Variants in CD99L2 observed in about 807,000 individuals in gnomAD.
The protein encoded by CD99L2 is CD99 antigen-like protein 2.
Under a neutral mutation model 27.3 loss-of-function variants are expected in CD99L2, and 24 were observed. That is an observed-to-expected ratio of 0.88 (90% CI 0.64 to 1.24). The LOEUF is 1.24. Ranked by LOEUF, CD99L2 falls within the 50% of genes most tolerant of loss-of-function variation. The pLI is 0.00. For missense variants in CD99L2, 255 were observed against 221.6 expected (o/e 1.15, Z -0.96); for synonymous variants, 97 against 87.9 (o/e 1.10, Z -0.58).
intron 1 of CD99L2, among the ~76,000 whole-genome samples, chrX:150,876,692 T>C (rs782684665): frequency 1.8e-5 from 2 of 112,237 alleles, no homozygotes; most frequent in Non-Finnish European, 3.8e-5. Flanking sequence ...GTTATCATCA[T>C]AGAAATACAC....
intron 1 of CD99L2, among the ~76,000 whole-genome samples, chrX:150,861,141 C>CAAAAAAAAAAAA (rs782255590): frequency 1.7e-4 from 7 of 40,919 alleles, no homozygotes; most frequent in African/African-American, 2.6e-4. Flanking sequence ...GACTCTGTCT[C>CAAAAAAAAAAAA]AAAAAAAAAA....
chrX:150,893,846 G>C (rs1242260590), intron 1 of CD99L2, among the ~76,000 whole-genome samples: 1 of 109,717 alleles, frequency 9.1e-6, no homozygotes, highest in Non-Finnish European at 1.9e-5. Context: ...CTCCCGAGTA[G>C]CTGGGACTAC....
At chrX:150,870,798 C>G (rs1270700381) in intron 1 of CD99L2, among the ~76,000 whole-genome samples, 1 of 110,425 alleles carries the variant, frequency 9.1e-6, no homozygotes, top group African/African-American at 3.3e-5. Flanking sequence ...CCCTAACTCT[C>G]TTGGGAGAGT....
intron 7 of CD99L2, among the ~76,000 whole-genome samples, chrX:150,787,505 T>C (rs1372347829): frequency 1.8e-5 from 2 of 110,935 alleles, no homozygotes; most frequent in African/African-American, 6.6e-5. Flanking sequence ...CAAATGTCCA[T>C]CAATGATAGA....
intron 10 of CD99L2, among the ~76,000 whole-genome samples, chrX:150,769,353 C>CCA (rs2043372357): frequency 2.7e-5 from 3 of 112,246 alleles, no homozygotes; most frequent in Non-Finnish European, 5.6e-5. Flanking sequence ...GTGTTCCTGC[C>CCA]AGCGCTGCTG....
At chrX:150,822,026 C>T (rs1370557172) in intron 2 of CD99L2, among the ~76,000 whole-genome samples, 3 of 111,418 alleles carry the variant, frequency 2.7e-5, no homozygotes, top group African/African-American at 9.8e-5. Flanking sequence ...AGGTATATAT[C>T]GAAAAGAATT....
intron 9 of CD99L2, among the ~76,000 whole-genome samples, chrX:150,770,719 C>T (rs868938803): frequency 1.6e-4 from 18 of 113,029 alleles, no homozygotes; most frequent in African/African-American, 2.6e-4. Context: ...TCCACAGGTC[C>T]GTGTGCGTGT....
Position 150,836,623 on chromosome X carries a change from G to A in CD99L2, c.68-5330C>T, listed in dbSNP as rs781917046. Among the ~76,000 whole-genome samples, 21 of 111,687 alleles carry A rather than the reference G, an allele frequency of 1.9e-4. No individual in the cohort carries two copies. The South Asian group carries it at 6.7e-3, about 36-fold the overall frequency. ...ATTACAGGTGTGAGCCACTGCACCCGGCCTAGCTTAATATTAACATAGTCA... is the reference window on the plus strand; with the variant it reads ...ATTACAGGTGTGAGCCACTGCACCCAGCCTAGCTTAATATTAACATAGTCA... On this transcript the variant is annotated intron_variant, in intron 1 of 10. Coordinates refer to ENST00000370377, the MANE Select transcript of CD99L2 (RefSeq NM_031462.4).
chrX:150,824,705 G>GA (rs1557420877), intron 2 of CD99L2, among the ~76,000 whole-genome samples: 20 of 89,179 alleles, frequency 2.2e-4, no homozygotes, highest in East Asian at 1.8e-3. Context: ...GGAAGAGGAA[G>GA]AGGAAGAAGA....
At chrX:150,898,449 A>C in intron 1 of CD99L2, 73 bp downstream of exon 1, 1 of 881,978 alleles carries the variant, frequency 1.1e-6, no homozygotes, top group South Asian at 3.0e-5. Flanking sequence ...CGTGCCGCTC[A>C]TGCGCAGAGC....
chrX:150,816,394 C>G (rs997007821), intron 2 of CD99L2: 22 of 286,948 alleles, frequency 7.7e-5, no homozygotes, highest in Non-Finnish European at 1.3e-4. Flanking sequence ...CCAGGGAGTT[C>G]CACAGCCTGA....
chrX:150,771,759 T>A, intron 9 of CD99L2: 1 of 1,148,977 alleles, frequency 8.7e-7, no homozygotes. Flanking sequence ...TGAGGAAGCA[T>A]CAAGGCTGAA....
At chrX:150,844,963 A>AT (rs1219485652) in intron 1 of CD99L2, among the ~76,000 whole-genome samples, 2 of 112,350 alleles carry the variant, frequency 1.8e-5, no homozygotes, top group Admixed American at 1.9e-4. Flanking sequence ...AAGTGCTTTT[A>AT]CTTATTCCCG....
intron 4 of CD99L2, 108 bp from the exon 5 acceptor site, chrX:150,795,594 G>A: frequency 3.9e-6 from 3 of 774,938 alleles, no homozygotes; most frequent in Non-Finnish European, 5.8e-6. Flanking sequence ...CTTGGTCCTT[G>A]AGGCTCCTAT....
At chrX:150,898,087 C>T (rs1438405597) in intron 1 of CD99L2, among the ~76,000 whole-genome samples, 1 of 95,843 alleles carries the variant, frequency 1.0e-5, no homozygotes, top group African/African-American at 4.0e-5. Context: ...CCCATGCCCG[C>T]TGTGATCCCG....
intron 7 of CD99L2, among the ~76,000 whole-genome samples, chrX:150,779,850 A>ACT: frequency 8.9e-6 from 1 of 112,450 alleles, no homozygotes. Context: ...AAAATGGAAA[A>ACT]GATCAGATCA....
chrX:150,847,536 T>C (rs1260519889), intron 1 of CD99L2, among the ~76,000 whole-genome samples: 1 of 111,083 alleles, frequency 9.0e-6, no homozygotes, highest in Non-Finnish European at 1.9e-5. Flanking sequence ...ATCCCCATCT[T>C]GATACTGCTT....
At chrX:150,842,278 C>G (rs1395916580) in intron 1 of CD99L2, among the ~76,000 whole-genome samples, 4 of 112,320 alleles carry the variant, frequency 3.6e-5, no homozygotes, top group Non-Finnish European at 7.5e-5. Context: ...CCCACAGACA[C>G]TCCAACAGCC....
At chrX:150,828,837 C>T (rs1440704547) in intron 2 of CD99L2, 3 of 111,705 alleles carry the variant, frequency 2.7e-5, no homozygotes, top group Admixed American at 9.5e-5. Flanking sequence ...AATTTGGCAG[C>T]GTTTTTTATA....
Sources: gnomAD v4.1 joint callset for allele counts (sites outside exome capture counted in the v4.1 genomes callset) on GRCh38, gnomAD v4.1.1 for gene constraint, MANE v1.5 for transcripts, NCBI Gene and HGNC (gene_info 2026-07-23, HGNC 2026-07-21) for gene names.